The following ABCA4 variants were observed in gnomAD, a reference collection of about 807,000 sequenced individuals.
ABCA4 encodes ATP binding cassette subfamily A member 4.
A neutral mutation model predicts 263.7 loss-of-function variants in ABCA4; 196 were observed. That is an observed-to-expected ratio of 0.74 (90% CI 0.66 to 0.84). The LOEUF is 0.84. ABCA4 is among the 40% of genes least tolerant of loss of function. The pLI, the probability that ABCA4 is intolerant of heterozygous loss-of-function variation, is 0.00. For synonymous variants in ABCA4, 1,133 were observed against 1,094.2 expected (o/e 1.04, Z -0.70); for missense variants, 2,792 against 2,855.1 (o/e 0.98, Z 0.50).
chr1:94,033,994 C>T (rs1660275901), intron 26 of ABCA4, among the ~76,000 whole-genome samples: 1 of 152,168 alleles, frequency 6.6e-6, no homozygotes, highest in African/African-American at 2.4e-5. Context: ...AGCCCACTGA[C>T]CTGGCCAGAG....
At chr1:94,018,054 A>G (rs1659785892) in intron 36 of ABCA4, among the ~76,000 whole-genome samples, 1 of 152,198 alleles carries the variant, frequency 6.6e-6, no homozygotes, top group Non-Finnish European at 1.5e-5. Context: ...GGAGCATCAG[A>G]AAGCCTGCTA....
At chr1:94,080,411 G>C (rs1661657275) in intron 8 of ABCA4, 67 bp downstream of exon 8, 1 of 1,601,772 alleles carries the variant, frequency 6.2e-7, no homozygotes, top group Non-Finnish European at 8.5e-7. Flanking sequence ...GTTTCACCTA[G>C]AAGTGTTAAA....
intron 34 of ABCA4, 33 bp downstream of exon 34, chr1:94,021,607 A>T: frequency 6.3e-7 from 1 of 1,577,908 alleles, no homozygotes; most frequent in Non-Finnish European, 8.7e-7. Flanking sequence ...GTAAATTTTT[A>T]GCTCCAGAGC....
At chr1:94,007,447 C>T (rs915384065) in intron 43 of ABCA4, among the ~76,000 whole-genome samples, 187 bp downstream of exon 43, 1 of 150,984 alleles carries the variant, frequency 6.6e-6, no homozygotes, top group Non-Finnish European at 1.5e-5. Flanking sequence ...TATCACAATT[C>T]AGTTCACTTT....
chr1:94,008,363 A>G (rs1659455897), intron 41 of ABCA4, 66 bp from the exon 42 acceptor site: 1 of 1,510,402 alleles, frequency 6.6e-7, no homozygotes, highest in South Asian at 1.1e-5. Context: ...GGAAGAGGGA[A>G]CAAAGAGCAA....
chr1:94,059,228 A>T (rs550060), intron 14 of ABCA4, among the ~76,000 whole-genome samples: 1 of 151,942 alleles, frequency 6.6e-6, no homozygotes, highest in Non-Finnish European at 1.5e-5. Context: ...CTGGGAAAAG[A>T]AGCAGACTGA....
At chr1:94,064,426 G>A (rs1661212130) in intron 11 of ABCA4, among the ~76,000 whole-genome samples, 1 of 152,202 alleles carries the variant, frequency 6.6e-6, no homozygotes, top group Non-Finnish European at 1.5e-5. Context: ...AGAGCCTCCT[G>A]AGTAGGAGGA....
At position 94,005,520 on chromosome 1, in the gene ABCA4, A is replaced by G. The variant is rs150633517; in HGVS notation, c.6068T>C (p.Ile2023Thr). The G allele has an allele frequency of 3.4e-5, 55 of 1,614,128 alleles. No individual in the cohort carries two copies. In the African/African-American group the frequency reaches 6.0e-4, roughly 18 times the overall value. Reference protein sequence around the residue: ...NMGYCPQFDAIDELLTGREHL... With the variant: ...NMGYCPQFDATDELLTGREHL... ...TTCTCGTCCTGTGAGCAGCTCATCAATTGCATCAAACTGAGGACAGTAGCC... is the reference window on the plus strand; with the variant it reads ...TTCTCGTCCTGTGAGCAGCTCATCAGTTGCATCAAACTGAGGACAGTAGCC... The change falls in exon 44 of 50, where the codon ATT becomes ACT. Residue 2023 changes from isoleucine (I) to threonine (T), a missense_variant. Coordinates refer to ENST00000370225, the MANE Select transcript of ABCA4 (RefSeq NM_000350.3).
intron 3 of ABCA4, among the ~76,000 whole-genome samples, chr1:94,111,210 C>A (rs1426687923): frequency 6.6e-6 from 1 of 152,200 alleles, no homozygotes; most frequent in Non-Finnish European, 1.5e-5. Flanking sequence ...GATATAAGGA[C>A]CAAGAAATTT....
rs544260011 is a variant in ABCA4, at chr1:94,045,562, C to T, written c.2919-818G>A. On this transcript the variant is annotated intron_variant, in intron 19 of 49. Transcript: ENST00000370225. ...GGGGTCCTGGAATTTGCTTCCAGCT[C>T]TCTGACCATATCAGTTAGCATGGAG... Among the ~76,000 whole-genome samples, 4 of 152,282 alleles carry T rather than the reference C, an allele frequency of 2.6e-5. No homozygotes were observed. In the South Asian group the frequency reaches 8.3e-4, roughly 32 times the overall value.
At chr1:94,030,748 C>A (rs1162291628) in intron 28 of ABCA4, among the ~76,000 whole-genome samples, 1 of 152,196 alleles carries the variant, frequency 6.6e-6, no homozygotes, top group Non-Finnish European at 1.5e-5. Flanking sequence ...GCGCTTCAAC[C>A]CATTCACCTA....
chr1:94,100,575 T>A (rs1662259391), intron 5 of ABCA4, among the ~76,000 whole-genome samples: 1 of 152,280 alleles, frequency 6.6e-6, no homozygotes, highest in African/African-American at 2.4e-5. Context: ...ATTATTTCAC[T>A]GAGGAGGCAA....
At chr1:94,105,107 A>G (rs1023591793) in intron 4 of ABCA4, among the ~76,000 whole-genome samples, 13 of 152,196 alleles carry the variant, frequency 8.5e-5, no homozygotes, top group African/African-American at 2.4e-4. Flanking sequence ...GTACCTAGCA[A>G]TGCTGGGTGC....
chr1:94,105,424 G>A (rs1662403502), intron 4 of ABCA4, among the ~76,000 whole-genome samples: 1 of 152,208 alleles, frequency 6.6e-6, no homozygotes, highest in Non-Finnish European at 1.5e-5. Context: ...CTCTGGGGGG[G>A]AAGGGGGAGT....
rs1406771874 is a variant in ABCA4, at chr1:94,048,895, C to T, written c.2716G>A (p.Asp906Asn). 1 of 1,614,012 alleles carries T rather than the reference C, an allele frequency of 6.2e-7. No individual in the cohort carries two copies. Among genetic ancestry groups the T allele is most frequent in the Non-Finnish European group, 8.5e-7 (1 of 1,180,046 alleles). ...TGTATTCCTTCTGGGTGCTCTGGAT[C>T]CTCCGTTTCCTCTGTTAGGGGCTCG... The part of the protein sequence containing the change: ...KTEPLTEETE[D>N]PEHPEGIHDS... The change falls in exon 18 of 50, where the codon GAT becomes AAT. Residue 906 changes from aspartate to asparagine, a missense_variant. By Grantham distance (23) the Asp-to-Asn change is conservative. Coordinates refer to ENST00000370225, the MANE Select transcript of ABCA4 (RefSeq NM_000350.3).
chr1:94,004,711 C>T (rs1001396811), intron 44 of ABCA4, among the ~76,000 whole-genome samples: 1 of 152,298 alleles, frequency 6.6e-6, no homozygotes, highest in African/African-American at 2.4e-5. Flanking sequence ...CATTAACATG[C>T]TTCCAAAAAT....
chr1:94,047,725 C>A (rs2101058320), intron 18 of ABCA4, among the ~76,000 whole-genome samples: 1 of 152,240 alleles, frequency 6.6e-6, no homozygotes, highest in South Asian at 2.1e-4. Context: ...CTCAGAACTC[C>A]CAGGTTTTCC....
intron 11 of ABCA4, among the ~76,000 whole-genome samples, chr1:94,076,264 A>C (rs1465477528): frequency 2.6e-5 from 4 of 152,152 alleles, no homozygotes; most frequent in Admixed American, 6.5e-5. Flanking sequence ...TGCTTCTGCT[A>C]TGGGAAAGGG....
rs17110975 is a variant in ABCA4 at position 94,067,082 on chromosome 1, C to T, written c.1555-3765G>A. On this transcript the variant is annotated intron_variant, in intron 11 of 49. Coordinates refer to ENST00000370225, the MANE Select transcript of ABCA4 (RefSeq NM_000350.3). ...ATAGCATTTTGTCATGATAGGGCCT[C>T]GATATATGTTTACTGAGTTGAGTTG... Among the ~76,000 whole-genome samples the T allele has an allele frequency of 5.1e-3, 780 of 152,048 alleles. 5 individuals carry two copies. The highest frequency in any genetic ancestry group is 0.018 in the African/African-American group (736 of 41,458).
Sources: allele counts gnomAD v4.1 joint callset (sites outside exome capture counted in the v4.1 genomes callset), GRCh38; gene constraint gnomAD v4.1.1; transcripts MANE v1.5; gene names NCBI Gene and HGNC (gene_info 2026-07-23, HGNC 2026-07-21).